CACNG2: variants seen among roughly 807,000 people sequenced by gnomAD.
CACNG2 encodes calcium voltage-gated channel auxiliary subunit gamma 2.
Under a neutral mutation model 25.9 loss-of-function variants are expected in CACNG2, and 3 were observed. The ratio of observed to expected loss-of-function variants is 0.12; its 90% CI spans 0.05 to 0.30. CACNG2 has a LOEUF of 0.30. Among genes scored for constraint, CACNG2 ranks in the 10% least tolerant of loss-of-function variants. CACNG2 has a pLI of 1.00. For synonymous variants in CACNG2, 167 were observed against 173.3 expected, an observed-to-expected ratio of 0.96 and a Z score of 0.29; for missense variants, 341 against 432.5, an observed-to-expected ratio of 0.79 and a Z score of 1.88.
rs781541326 is a variant in CACNG2 at position 36,702,591 on chromosome 22, T to G, written c.-15A>C. 16 of 1,607,600 alleles carry G rather than the reference T, an allele frequency of 1.0e-5. No homozygotes were observed. Among genetic ancestry groups the G allele is most frequent in the Admixed American group, 1.7e-5 (1 of 59,984 alleles). ...AACAGCCCCATAATTCTTCATTATATAAACACCCAACCGACTTCTGGTTCT... is the reference window on the plus strand; with the variant it reads ...AACAGCCCCATAATTCTTCATTATAGAAACACCCAACCGACTTCTGGTTCT... On this transcript the variant is annotated 5_prime_UTR_variant, in exon 1 of 4. Transcript: ENST00000300105.
intron 1 of CACNG2, among the ~76,000 whole-genome samples, chr22:36,661,983 T>C (rs1479837086): frequency 8.8e-6 from 1 of 114,176 alleles, no homozygotes; most frequent in Non-Finnish European, 1.7e-5. Flanking sequence ...TTTTTTTTTT[T>C]TTTTTTTTTT....
intron 1 of CACNG2, among the ~76,000 whole-genome samples, chr22:36,616,477 A>G (rs775807669): frequency 6.6e-6 from 1 of 152,172 alleles, no homozygotes; most frequent in African/African-American, 2.4e-5. Context: ...CCTGTCTCCA[A>G]TTGTTCCCAT....
At chr22:36,648,572 C>G (rs1449871193) in intron 1 of CACNG2, among the ~76,000 whole-genome samples, 1 of 152,216 alleles carries the variant, frequency 6.6e-6, no homozygotes, top group Non-Finnish European at 1.5e-5. Flanking sequence ...CTTGAACTAT[C>G]TACCTTCTGA....
At chr22:36,650,799 C>G (rs1422623809) in intron 1 of CACNG2, among the ~76,000 whole-genome samples, 9 of 152,202 alleles carry the variant, frequency 5.9e-5, no homozygotes, top group Non-Finnish European at 1.2e-4. Context: ...GGATTTTAGG[C>G]ATGAGCCACC....
intron 1 of CACNG2, among the ~76,000 whole-genome samples, chr22:36,665,282 T>C (rs1388417020): frequency 6.6e-6 from 1 of 152,164 alleles, no homozygotes; most frequent in Non-Finnish European, 1.5e-5. Context: ...CTCTGTTCCT[T>C]CCTATGTTGT....
chr22:36,602,707 T>C (rs1378302473), intron 1 of CACNG2, among the ~76,000 whole-genome samples: 1 of 152,228 alleles, frequency 6.6e-6, no homozygotes, highest in Admixed American at 6.5e-5. Flanking sequence ...TATTATTACA[T>C]CTGTTATGGC....
chr22:36,613,235 CTT>C (rs1037040711), intron 1 of CACNG2, among the ~76,000 whole-genome samples: 1 of 151,814 alleles, frequency 6.6e-6, no homozygotes, highest in Non-Finnish European at 1.5e-5. Flanking sequence ...TTGGATCACT[CTT>C]TGGGGAACAC....
rs1013812011 is a variant in CACNG2, at chr22:36,606,309, G to A, written c.212-18761C>T. ...CTGGTCGCCGGGAACAAGCTGCCATGAGCCAGGCATGGGGCCAAGCACTTT... is the reference window on the plus strand; with the variant it reads ...CTGGTCGCCGGGAACAAGCTGCCATAAGCCAGGCATGGGGCCAAGCACTTT... On this transcript the variant is annotated intron_variant, in intron 1 of 3. Transcript: ENST00000300105. This position sits in a 1 kb window ranked among gnomAD's most constrained non-coding sequence, Gnocchi z 5.7. 3.3e-5 allele frequency among the ~76,000 whole-genome samples: 5 copies of A among 152,228 alleles called. No homozygotes were observed. The highest frequency in any genetic ancestry group is 1.2e-4 in the African/African-American group (5 of 41,458).
At chr22:36,640,742 C>A (rs1936432488) in intron 1 of CACNG2, among the ~76,000 whole-genome samples, 1 of 152,206 alleles carries the variant, frequency 6.6e-6, no homozygotes, top group Admixed American at 6.5e-5. Flanking sequence ...CACCCAGCAG[C>A]CAGAGCCAGC....
chr22:36,599,258 C>T (rs1935720089), intron 1 of CACNG2, among the ~76,000 whole-genome samples: 2 of 112,178 alleles, frequency 1.8e-5, no homozygotes, highest in African/African-American at 5.8e-5. Context: ...AAACATAACA[C>T]TGGACAGAAA....
chr22:36,573,332 A>ATTG (rs200201531), intron 2 of CACNG2, among the ~76,000 whole-genome samples: 466 of 151,916 alleles, frequency 3.1e-3, no homozygotes, highest in African/African-American at 0.011. Context: ...CTTTTTAATT[A>ATTG]TTATTATTAT....
intron 2 of CACNG2, among the ~76,000 whole-genome samples, chr22:36,580,807 A>G (rs1306950565): frequency 1.3e-5 from 2 of 152,138 alleles, no homozygotes; most frequent in Admixed American, 6.5e-5. Flanking sequence ...ACAATAGGAC[A>G]GCTAGGAAAT....
chr22:36,674,874 G>T lies in CACNG2; in HGVS notation c.211+27492C>A, dbSNP rs544400684. Reference sequence around the variant, plus strand: ...TGAGTAAGTTACTGAATCTCCCTGGGCCTCTGTTTTCTCATCTGTAAAGTA... The same window carrying T: ...TGAGTAAGTTACTGAATCTCCCTGGTCCTCTGTTTTCTCATCTGTAAAGTA... On this transcript the variant is annotated intron_variant, in intron 1 of 3. Transcript: ENST00000300105. Among the ~76,000 whole-genome samples, 33 of 152,248 alleles carry T rather than the reference G, an allele frequency of 2.2e-4. No homozygotes were observed. The South Asian group carries it at 6.6e-3, about 31-fold the overall frequency.
intron 1 of CACNG2, among the ~76,000 whole-genome samples, chr22:36,621,250 G>A (rs1936099039): frequency 6.6e-6 from 1 of 152,224 alleles, no homozygotes; most frequent in South Asian, 2.1e-4. Flanking sequence ...GCTCACGCCT[G>A]TAATCCCAGC....
chr22:36,676,932 T>TTGTGTGTGTG (rs138729815), intron 1 of CACNG2, among the ~76,000 whole-genome samples: 23,040 of 141,480 alleles, frequency 0.16, 2,192 homozygotes, highest in Non-Finnish European at 0.21. Context: ...TCTTCTAATA[T>TTGTGTGTGTG]TGTGTGTGTG....
intron 1 of CACNG2, among the ~76,000 whole-genome samples, chr22:36,590,917 C>T (rs979438343): frequency 6.6e-6 from 1 of 152,158 alleles, no homozygotes; most frequent in East Asian, 1.9e-4. Context: ...GTCCTGCTGC[C>T]TGAACTCCCA....
chr22:36,616,088 G>A lies in CACNG2; in HGVS notation c.212-28540C>T, dbSNP rs531994507. The stretch of plus-strand genomic sequence containing the variant: ...CTTATGTCATCTGACTCCAGATCTC[G>A]TGTCCCTTGAGTGACAATGTCCTTG... On this transcript the variant is annotated intron_variant, in intron 1 of 3. Coordinates refer to ENST00000300105, the MANE Select transcript of CACNG2 (RefSeq NM_006078.5). 1.3e-3 allele frequency among the ~76,000 whole-genome samples: 198 copies of A among 152,244 alleles called. 7 individuals carry two copies. In the South Asian group the frequency reaches 0.039, roughly 30 times the overall value.
intron 1 of CACNG2, among the ~76,000 whole-genome samples, chr22:36,629,789 G>A (rs1425668599): frequency 6.6e-6 from 1 of 152,184 alleles, no homozygotes; most frequent in Non-Finnish European, 1.5e-5. Context: ...AGAAGACAGA[G>A]AAAGTCTCTG....
At chr22:36,688,112 G>A (rs1937224279) in intron 1 of CACNG2, among the ~76,000 whole-genome samples, 1 of 152,112 alleles carries the variant, frequency 6.6e-6, no homozygotes, top group South Asian at 2.1e-4. Context: ...AGAGTGCAGT[G>A]CAGCCAGGGA....
Sources: gnomAD v4.1 joint callset for allele counts (sites outside exome capture counted in the v4.1 genomes callset) on GRCh38, gnomAD v4.1.1 for gene constraint, Gnocchi (gnomAD v3.1) non-coding constraint, MANE v1.5 for transcripts, NCBI Gene and HGNC (gene_info 2026-07-23, HGNC 2026-07-21) for gene names.